The following GABRA6 variants were observed in gnomAD, a reference collection of about 807,000 sequenced individuals.
The protein encoded by GABRA6 is gamma-aminobutyric acid type A receptor subunit alpha6, also known as gamma-aminobutyric acid receptor subunit alpha-6.
GABRA6 carries 45 observed loss-of-function variants against 47.3 expected under a neutral mutation model. The observed-to-expected ratio is 0.95, with a 90% confidence interval of 0.75 to 1.22. The LOEUF is 1.22. Among genes scored for constraint, GABRA6 ranks in the 50% most tolerant of loss-of-function variants. The pLI is 0.00. For synonymous variants in GABRA6, 219 were observed against 194.7 expected, an observed-to-expected ratio of 1.12 and a Z score of -1.04; for missense variants, 583 against 549.3, an observed-to-expected ratio of 1.06 and a Z score of -0.61.
chr5:161,699,815 C>T (rs1754947420), intron 8 of GABRA6, among the ~76,000 whole-genome samples: 1 of 151,984 alleles, frequency 6.6e-6, no homozygotes, highest in Admixed American at 6.6e-5. Flanking sequence ...AGCATACTAG[C>T]CCTTCTAATA....
intron 8 of GABRA6, 116 bp downstream of exon 8, chr5:161,692,316 T>C (rs1326939807): frequency 8.1e-7 from 1 of 1,238,826 alleles, no homozygotes; most frequent in South Asian, 1.2e-5. Context: ...TATATAACTG[T>C]AGTTTCAAGA....
At chr5:161,697,013 A>G (rs1754898176) in intron 8 of GABRA6, among the ~76,000 whole-genome samples, 1 of 152,226 alleles carries the variant, frequency 6.6e-6, no homozygotes, top group Non-Finnish European at 1.5e-5. Flanking sequence ...AAATCTGTCT[A>G]AATACTTCCT....
intron 8 of GABRA6, among the ~76,000 whole-genome samples, chr5:161,699,619 C>T (rs944922896): frequency 6.7e-6 from 1 of 150,144 alleles, no homozygotes; most frequent in African/African-American, 2.5e-5. Context: ...CAGTGGCCAC[C>T]ATACCAGCTA....
chr5:161,690,015 A>C, intron 6 of GABRA6, 186 bp from the exon 7 acceptor site: 1 of 677,354 alleles, frequency 1.5e-6, no homozygotes, highest in South Asian at 1.8e-5. Context: ...TACTGAAAAC[A>C]ATAAGTTGAT....
At chr5:161,688,363 A>G (rs576341105) in intron 3 of GABRA6, among the ~76,000 whole-genome samples, 1 of 152,302 alleles carries the variant, frequency 6.6e-6, no homozygotes, top group East Asian at 1.9e-4. Context: ...ATTAAGTCAT[A>G]ATTTTGATGA....
chr5:161,689,588 A>G (rs768261411), intron 5 of GABRA6, 48 bp from the exon 6 acceptor site: 2 of 1,520,276 alleles, frequency 1.3e-6, no homozygotes, highest in Admixed American at 1.7e-5. Context: ...GGAAAAAAAG[A>G]CAACTCGTCA....
chr5:161,687,752 T>G (rs1318247773), intron 3 of GABRA6: 1 of 167,882 alleles, frequency 6.0e-6, no homozygotes, highest in Non-Finnish European at 1.3e-5. Context: ...AAACAGTTAT[T>G]GGAGACTTTT....
rs1754993963 is a variant in GABRA6, at chr5:161,702,172, C to T, written c.*399C>T. 3.1e-5 allele frequency: 7 copies of T among 225,422 alleles called. No homozygotes were observed. The South Asian group carries it at 3.9e-4, about 13-fold the overall frequency. The allele number at this position is 225,422 out of a possible 1,614,324, so 14.0% of individuals were successfully genotyped here. A position where few individuals can be genotyped will look rare whatever the true frequency, so the allele number is the denominator to read the frequency against. On this transcript the variant is annotated 3_prime_UTR_variant, in exon 9 of 9. Coordinates refer to ENST00000274545, the MANE Select transcript of GABRA6 (RefSeq NM_000811.3). ...AAATATGTTTATTTTGGCTTAGTTCCCGAGAGGGCAAAATATAAATACAGT... is the reference window on the plus strand; with the variant it reads ...AAATATGTTTATTTTGGCTTAGTTCTCGAGAGGGCAAAATATAAATACAGT...
At chr5:161,691,818 AT>A in intron 7 of GABRA6, 122 bp from the exon 8 acceptor site, 1 of 803,448 alleles carries the variant, frequency 1.2e-6, no homozygotes, top group East Asian at 2.4e-5. Context: ...AATACAAAAA[AT>A]ATTTTTAAAA....
intron 8 of GABRA6, among the ~76,000 whole-genome samples, chr5:161,693,122 GC>G (rs1244864665): frequency 6.6e-6 from 1 of 152,080 alleles, no homozygotes; most frequent in African/African-American, 2.4e-5. Context: ...ATTCTAGTAA[GC>G]ATTTCCATAT....
At chr5:161,687,324 A>T in intron 3 of GABRA6, 1 of 400,046 alleles carries the variant, frequency 2.5e-6, no homozygotes, top group Non-Finnish European at 4.7e-6. Flanking sequence ...TATTGGAGGA[A>T]GAAAAAAAAC....
At chr5:161,686,458 C>T (rs890222952) in intron 2 of GABRA6, 110 bp downstream of exon 2, 23 of 838,210 alleles carry the variant, frequency 2.7e-5, no homozygotes, top group South Asian at 1.2e-4. Context: ...GGGCAGGGTA[C>T]GGGAGAGAGA....
intron 8 of GABRA6, among the ~76,000 whole-genome samples, chr5:161,700,683 T>C (rs1174724416): frequency 6.6e-6 from 1 of 152,150 alleles, no homozygotes; most frequent in African/African-American, 2.4e-5. Context: ...TTCAAGACTA[T>C]AGTTGATTGT....
chr5:161,700,211 T>A (rs1009525362), intron 8 of GABRA6, among the ~76,000 whole-genome samples: 3 of 152,196 alleles, frequency 2.0e-5, no homozygotes, highest in African/African-American at 7.2e-5. Flanking sequence ...GGGAGGAAGC[T>A]GTCTTATACT....
Position 161,686,976 on chromosome 5 carries a change from T to C in GABRA6, c.198T>C (p.Ser66=), listed in dbSNP as rs2113065794. The change falls in exon 3 of 9, where the codon AGT becomes AGC. Residue 66 remains serine (S), a synonymous_variant. Coordinates refer to ENST00000274545, the MANE Select transcript of GABRA6 (RefSeq NM_000811.3). ...TEVKTDIYVT[S]FGPVSDVEME... is the part of the protein sequence containing the mutation. The stretch of plus-strand genomic sequence containing the variant: ...TCAAAACAGACATTTATGTGACCAG[T>C]TTTGGGCCCGTGTCAGATGTGGAGA... 1 of 1,613,954 alleles carries C rather than the reference T, an allele frequency of 6.2e-7. No homozygotes were observed. The highest frequency in any genetic ancestry group is 8.5e-7 in the Non-Finnish European group (1 of 1,179,896).
At chr5:161,696,179 A>T (rs548663623) in intron 8 of GABRA6, among the ~76,000 whole-genome samples, 19 of 152,322 alleles carry the variant, frequency 1.2e-4, no homozygotes, top group South Asian at 2.1e-4. Context: ...ACTCTAAACC[A>T]GTTGCTACAA....
chr5:161,702,322 T>C lies in GABRA6; in HGVS notation c.*549T>C, dbSNP rs113427951. On this transcript the variant is annotated 3_prime_UTR_variant, in exon 9 of 9. Coordinates refer to ENST00000274545, the MANE Select transcript of GABRA6 (RefSeq NM_000811.3). ...TTTGTTTTTAACCTCGCTGTGCTCT[T>C]TTACCTCAATAAAATGTGGTGTTTG... is the stretch of plus-strand genomic sequence containing the variant. The C allele has an allele frequency of 1.2e-3, 199 of 159,494 alleles. No individual in the cohort carries two copies. The highest frequency in any genetic ancestry group is 1.9e-3 in the Non-Finnish European group (137 of 72,146). The allele number at this position is 159,494 out of a possible 1,614,324, so 9.9% of individuals were successfully genotyped here.
chr5:161,692,300 A>G, intron 8 of GABRA6, 100 bp downstream of exon 8: 1 of 1,418,108 alleles, frequency 7.1e-7, no homozygotes, highest in South Asian at 1.2e-5. Flanking sequence ...TGAGTTGAGC[A>G]CAGGTTATAT....
At chr5:161,697,575 A>T (rs951584072) in intron 8 of GABRA6, among the ~76,000 whole-genome samples, 12 of 152,124 alleles carry the variant, frequency 7.9e-5, no homozygotes, top group African/African-American at 2.7e-4. Context: ...ATTTCCCCCA[A>T]GAGACATTGG....
Sources: gnomAD v4.1 joint callset for allele counts (sites outside exome capture counted in the v4.1 genomes callset) on GRCh38, gnomAD v4.1.1 for gene constraint, MANE v1.5 for transcripts, NCBI Gene and HGNC (gene_info 2026-07-23, HGNC 2026-07-21) for gene names.